Variants in EPB41L4A observed in about 807,000 individuals in gnomAD.
EPB41L4A encodes band 4.1-like protein 4A.
EPB41L4A carries 100 observed loss-of-function variants against 108.6 expected under a neutral mutation model. The ratio of observed to expected loss-of-function variants is 0.92; its 90% CI spans 0.78 to 1.09. The LOEUF (loss-of-function observed/expected upper bound fraction) is 1.09, where lower values mean the gene tolerates loss of function less well. EPB41L4A is among the 50% of genes least tolerant of loss of function. EPB41L4A has a pLI of 0.00. For synonymous variants in EPB41L4A, 319 were observed against 289.0 expected (o/e 1.10, Z -1.05); for missense variants, 1,030 against 842.7 (o/e 1.22, Z -2.75).
At chr5:112,143,445 T>C (rs1759137264) in exon 14 of EPB41L4A, 1 of 152,898 alleles carries the variant, frequency 6.5e-6, no homozygotes, top group Non-Finnish European at 1.5e-5. Context: ...CAGTGCTTTT[T>C]CTAATATTTC....
At chr5:112,350,163 A>G (rs1236917193) in intron 1 of EPB41L4A, among the ~76,000 whole-genome samples, 1 of 152,206 alleles carries the variant, frequency 6.6e-6, no homozygotes, top group Non-Finnish European at 1.5e-5. Flanking sequence ...ATTTTAATTC[A>G]TTTGTTTAAA....
chr5:112,220,353 T>C (rs1747961843), intron 12 of EPB41L4A, among the ~76,000 whole-genome samples: 1 of 152,152 alleles, frequency 6.6e-6, no homozygotes, highest in South Asian at 2.1e-4. Flanking sequence ...TAGAAAAGGA[T>C]ATGTCACTTG....
intron 2 of EPB41L4A, among the ~76,000 whole-genome samples, chr5:112,285,350 A>C (rs1753219011): frequency 6.6e-6 from 1 of 152,188 alleles, no homozygotes; most frequent in Non-Finnish European, 1.5e-5. Flanking sequence ...AAAGTGATAT[A>C]ACAGGTCACT....
intron 2 of EPB41L4A, among the ~76,000 whole-genome samples, chr5:112,289,460 G>A (rs1018303073): frequency 3.3e-5 from 5 of 152,140 alleles, no homozygotes; most frequent in African/African-American, 1.2e-4. Flanking sequence ...GGGGTTTGGG[G>A]GGAATATTGC....
At chr5:112,222,942 GTTTTT>G (rs11399684) in intron 12 of EPB41L4A, among the ~76,000 whole-genome samples, 1 of 140,192 alleles carries the variant, frequency 7.1e-6, no homozygotes, top group South Asian at 2.3e-4. Context: ...AGTGAAACTA[GTTTTT>G]TTTTTTTTTT....
intron 13 of EPB41L4A, among the ~76,000 whole-genome samples, chr5:112,144,958 A>G (rs1759194887): frequency 6.6e-6 from 1 of 152,182 alleles, no homozygotes; most frequent in Admixed American, 6.5e-5. Flanking sequence ...TTAATCAATG[A>G]AACCTAAGTT....
chr5:112,331,377 C>T (rs1198818869), intron 1 of EPB41L4A, among the ~76,000 whole-genome samples: 1 of 152,166 alleles, frequency 6.6e-6, no homozygotes, highest in Non-Finnish European at 1.5e-5. Flanking sequence ...CCATGCTATA[C>T]CAGACAAAAG....
intron 1 of EPB41L4A, among the ~76,000 whole-genome samples, chr5:112,384,179 G>A (rs1760348939): frequency 6.6e-6 from 1 of 152,166 alleles, no homozygotes; most frequent in African/African-American, 2.4e-5. Flanking sequence ...TGACTGTGGT[G>A]ATGGCTGCTC....
At chr5:112,292,151 T>C (rs1334451228) in intron 2 of EPB41L4A, among the ~76,000 whole-genome samples, 2 of 152,208 alleles carry the variant, frequency 1.3e-5, no homozygotes, top group Non-Finnish European at 2.9e-5. Flanking sequence ...ACCAGAGACC[T>C]TGGCTCTTAC....
chr5:112,316,346 A>G (rs1245502201), intron 1 of EPB41L4A, among the ~76,000 whole-genome samples: 1 of 152,196 alleles, frequency 6.6e-6, no homozygotes, highest in African/African-American at 2.4e-5. Context: ...CTCTATCTTT[A>G]TTTAGTATTT....
chr5:112,254,441 C>T (rs1750922718), intron 9 of EPB41L4A, among the ~76,000 whole-genome samples: 2 of 152,178 alleles, frequency 1.3e-5, no homozygotes, highest in South Asian at 2.1e-4. Flanking sequence ...TTCCACCCTG[C>T]AGCCAGAGTG....
intron 1 of EPB41L4A, among the ~76,000 whole-genome samples, chr5:112,342,743 G>C (rs1052181903): frequency 1.3e-5 from 2 of 152,122 alleles, no homozygotes; most frequent in Non-Finnish European, 2.9e-5. Context: ...GACTCTCGTA[G>C]GTCACTTTTA....
At chr5:112,391,765 G>A (rs1760957156) in intron 1 of EPB41L4A, among the ~76,000 whole-genome samples, 5 of 152,020 alleles carry the variant, frequency 3.3e-5, no homozygotes, top group Admixed American at 3.3e-4. Context: ...GCAACCCCAA[G>A]ACACATAATT....
rs1031819477 is a variant in EPB41L4A at position 112,184,259 on chromosome 5, A to C, written c.1503-124T>G. On this transcript the variant is annotated intron_variant, in intron 17 of 22. Coordinates refer to ENST00000261486, the MANE Select transcript of EPB41L4A (RefSeq NM_022140.5). Reference sequence around the variant, plus strand: ...ATTTTATTATGATCATTTATAGCTAAAGATGCATATTAACTGAATTAATAT... The same window carrying C: ...ATTTTATTATGATCATTTATAGCTACAGATGCATATTAACTGAATTAATAT... 4 of 1,093,974 alleles carry C rather than the reference A, an allele frequency of 3.7e-6. No individual in the cohort carries two copies. In the African/African-American group the frequency reaches 6.3e-5, roughly 17 times the overall value. 67.8% of individuals were successfully genotyped at this position (1,093,974 alleles called of 1,614,324 possible).
intron 17 of EPB41L4A, among the ~76,000 whole-genome samples, chr5:112,193,804 T>C (rs748274461): frequency 5.9e-5 from 9 of 152,286 alleles, no homozygotes; most frequent in East Asian, 1.9e-4. Flanking sequence ...CCCTATCCAA[T>C]TGTCACGATA....
At chr5:112,157,137 C>G (rs1295213214) in intron 12 of EPB41L4A, among the ~76,000 whole-genome samples, 1 of 149,314 alleles carries the variant, frequency 6.7e-6, no homozygotes, top group Non-Finnish European at 1.5e-5. Context: ...AAAGGTACAT[C>G]CATGCAAAAA....
intron 11 of EPB41L4A, among the ~76,000 whole-genome samples, chr5:112,237,494 T>A (rs1749433594): frequency 6.6e-6 from 1 of 152,090 alleles, no homozygotes; most frequent in Admixed American, 6.6e-5. Context: ...AACACATCAC[T>A]ATAAACACAT....
chr5:112,189,699 T>C (rs990481269), intron 17 of EPB41L4A, among the ~76,000 whole-genome samples: 6 of 152,206 alleles, frequency 3.9e-5, no homozygotes, highest in Non-Finnish European at 5.9e-5. Context: ...CACCAGACTA[T>C]CTCATGTCAC....
intron 22 of EPB41L4A, among the ~76,000 whole-genome samples, chr5:112,167,123 C>CAAAAAA (rs10642511): frequency 2.2e-4 from 24 of 110,540 alleles, no homozygotes; most frequent in East Asian, 1.1e-3. Flanking sequence ...AAATTTAAGA[C>CAAAAAA]AAAAAAAAAA....
Sources: gnomAD v4.1 joint callset for allele counts (sites outside exome capture counted in the v4.1 genomes callset) on GRCh38, gnomAD v4.1.1 for gene constraint, MANE v1.5 for transcripts, NCBI Gene and HGNC (gene_info 2026-07-23, HGNC 2026-07-21) for gene names.